Variants in ZFP64 observed in about 807,000 individuals in gnomAD.
The protein encoded by ZFP64 is zinc finger protein 64.
In ZFP64, 14 loss-of-function variants were observed where a neutral mutation model predicts 51.6. The observed-to-expected ratio is 0.27, with a 90% confidence interval of 0.18 to 0.42. The LOEUF (loss-of-function observed/expected upper bound fraction) is 0.42, where lower values mean the gene tolerates loss of function less well. ZFP64 is among the 10% of genes least tolerant of loss of function. The probability of loss-of-function intolerance (pLI) is 1.00; values close to 1 mark genes in which losing one functional copy is unlikely to be tolerated. For synonymous variants in ZFP64, 375 were observed against 361.4 expected, an observed-to-expected ratio of 1.04 and a Z score of -0.43; for missense variants, 754 against 906.8, an observed-to-expected ratio of 0.83 and a Z score of 2.16.
chr20:52,188,308 C>CTTTTTTTTTTTTTTTT (rs1164512289), intron 1 of ZFP64, among the ~76,000 whole-genome samples: 2 of 104,224 alleles, frequency 1.9e-5, no homozygotes, highest in African/African-American at 3.3e-5. Flanking sequence ...CTTTTTCTTT[C>CTTTTTTTTTTTTTTTT]TTTTTTTTTT....
At chr20:52,171,637 A>C (rs561426409) in intron 2 of ZFP64, among the ~76,000 whole-genome samples, 17 of 151,516 alleles carry the variant, frequency 1.1e-4, no homozygotes, top group African/African-American at 3.2e-4. Flanking sequence ...TTACAGGCAC[A>C]CACCACCACA....
intron 2 of ZFP64, among the ~76,000 whole-genome samples, chr20:52,172,960 T>C (rs1982877061): frequency 6.6e-6 from 1 of 152,190 alleles, no homozygotes; most frequent in African/African-American, 2.4e-5. Context: ...AGGGGCATAT[T>C]CAGTTATTTG....
At chr20:52,130,935 G>A (rs1016357720) in intron 5 of ZFP64, among the ~76,000 whole-genome samples, 14 of 151,994 alleles carry the variant, frequency 9.2e-5, no homozygotes, top group African/African-American at 2.7e-4. Context: ...GCATTGTGGC[G>A]GGCGCCTGTA....
intron 7 of ZFP64, among the ~76,000 whole-genome samples, chr20:52,096,107 G>A (rs1325255082): frequency 6.6e-6 from 1 of 152,184 alleles, no homozygotes; most frequent in Admixed American, 6.5e-5. Flanking sequence ...CATCTTTCTG[G>A]ACAGAGACCA....
intron 5 of ZFP64, among the ~76,000 whole-genome samples, chr20:52,145,204 G>A (rs534530994): frequency 4.6e-5 from 7 of 152,288 alleles, no homozygotes; most frequent in South Asian, 2.1e-4. Context: ...GTATACAGTC[G>A]TTGCCACTTA....
chr20:52,089,928 A>C (rs184677491), intron 7 of ZFP64, among the ~76,000 whole-genome samples: 1 of 152,250 alleles, frequency 6.6e-6, no homozygotes, highest in Admixed American at 6.5e-5. Flanking sequence ...CTTTAGGTTC[A>C]CTTTTGCTGT....
Position 52,153,136 on chromosome 20 carries a change from G to A in ZFP64, c.1056C>T (p.Cys352=). The A allele has an allele frequency of 6.2e-7, 1 of 1,614,254 alleles. No homozygotes were observed. Residue 352 remains cysteine (C), a synonymous_variant, in exon 6 of 6, where the codon TGC becomes TGT. Transcript: ENST00000216923. The surrounding 1 kb of genome is among the most constrained non-coding windows in gnomAD (Gnocchi z 5.1). ...GGATGCGCAGGGCGGCCTTGCTGGAGCAGGAGTAGCTGCATTCCGAGCACT... is the reference window on the plus strand; with the variant it reads ...GGATGCGCAGGGCGGCCTTGCTGGAACAGGAGTAGCTGCATTCCGAGCACT... ...PEKCSECSYS[C]SSKAALRIHE...
chr20:52,152,728 T>G lies in ZFP64; in HGVS notation c.1464A>C (p.Gln488His). 1 of 1,572,600 alleles carries G rather than the reference T, an allele frequency of 6.4e-7. No individual in the cohort carries two copies. Among genetic ancestry groups the G allele is most frequent in the Non-Finnish European group, 8.6e-7 (1 of 1,157,738 alleles). ...GHLQVPLQPSQVPQFSEGRVK... is the reference protein window; with the variant it reads ...GHLQVPLQPSHVPQFSEGRVK... ...CTCTTCCCTCGCTGAACTGGGGCAC[T>G]TGGCTGGGCTGGAGGGGCACCTGGA... Residue 488 changes from glutamine (Q) to histidine (H), a missense_variant, in exon 6 of 6, where the codon CAA becomes CAC. Physicochemically the swap from Gln to His is conservative, Grantham distance 24 (BLOSUM62 0). Around this residue, in one of 3 missense-constraint regions of ZFP64, gnomAD observed 428 missense variants for 472.4 expected, o/e 0.91. Coordinates refer to ENST00000216923, the MANE Select transcript of ZFP64 (RefSeq NM_018197.3).
intron 5 of ZFP64, among the ~76,000 whole-genome samples, chr20:52,130,938 C>T (rs962512089): frequency 6.6e-5 from 10 of 151,854 alleles, no homozygotes; most frequent in South Asian, 2.1e-4. Context: ...TTGTGGCGGG[C>T]GCCTGTAGTC....
intron 2 of ZFP64, among the ~76,000 whole-genome samples, 167 bp downstream of exon 2, chr20:52,186,665 C>A (rs1983988252): frequency 6.6e-6 from 1 of 151,978 alleles, no homozygotes. Context: ...CCTAGCAGCT[C>A]CCAAACCTGG....
At chr20:52,086,762 G>C (rs1431821455) in intron 8 of ZFP64, among the ~76,000 whole-genome samples, 5 of 152,112 alleles carry the variant, frequency 3.3e-5, no homozygotes, top group Non-Finnish European at 7.3e-5. Context: ...ACAGGCTTGA[G>C]CCACCGCGCC....
chr20:52,186,525 A>T (rs961238731), intron 2 of ZFP64, among the ~76,000 whole-genome samples: 2 of 148,730 alleles, frequency 1.3e-5, no homozygotes, highest in Admixed American at 6.7e-5. Flanking sequence ...TTTTTTTTTT[A>T]TTGCAACGTA....
chr20:52,153,466 G>A lies in ZFP64; in HGVS notation c.764-38C>T, dbSNP rs145988215. ...GGTGAGTTTCGATAAGAACAGGCAGGCAACAACCACAGCGGATCCCCCCGA... is the reference window on the plus strand; with the variant it reads ...GGTGAGTTTCGATAAGAACAGGCAGACAACAACCACAGCGGATCCCCCCGA... On this transcript the variant is annotated intron_variant, in intron 5 of 5. Transcript: ENST00000216923. The surrounding 1 kb of genome is among the most constrained non-coding windows in gnomAD (Gnocchi z 5.1). 1,485 of 1,590,542 alleles carry A rather than the reference G, an allele frequency of 9.3e-4. 3 individuals carry two copies. Among genetic ancestry groups the A allele is most frequent in the Middle Eastern group, 3.2e-3 (19 of 5,954 alleles).
At chr20:52,138,811 A>T (rs1194084830) in intron 5 of ZFP64, among the ~76,000 whole-genome samples, 1 of 152,226 alleles carries the variant, frequency 6.6e-6, no homozygotes, top group Non-Finnish European at 1.5e-5. Flanking sequence ...TAAACTCTAC[A>T]GAGACTGTGT....
intron 4 of ZFP64, among the ~76,000 whole-genome samples, chr20:52,162,408 T>C (rs4811301): frequency 0.26 from 39,787 of 151,642 alleles, 5,391 homozygotes; most frequent in Admixed American, 0.31. Context: ...GGGCGGATCA[T>C]GAGGTCAGGA....
chr20:52,094,629 C>A (rs894138627), intron 7 of ZFP64, among the ~76,000 whole-genome samples: 1 of 152,158 alleles, frequency 6.6e-6, no homozygotes, highest in African/African-American at 2.4e-5. Context: ...CGAAATGGGG[C>A]ATGCCTGCAG....
At chr20:52,175,922 C>T (rs1401362757) in intron 2 of ZFP64, 19 of 981,688 alleles carry the variant, frequency 1.9e-5, no homozygotes, top group Non-Finnish European at 1.9e-5. Context: ...ACCCCTTTCA[C>T]TTACGCTGTT....
Position 52,153,076 on chromosome 20 carries a change from C to G in ZFP64, c.1116G>C (p.Lys372Asn). 3 of 1,614,186 alleles carry G rather than the reference C, an allele frequency of 1.9e-6. No individual in the cohort carries two copies. The South Asian group carries it at 3.3e-5, about 18-fold the overall frequency. The change falls in exon 6 of 6, where the codon AAG becomes AAC. Residue 372 changes from lysine to asparagine, a missense_variant. Physicochemically the swap from Lys to Asn is moderately conservative, Grantham distance 94 (BLOSUM62 0). This residue lies in a region of ZFP64 where 428 missense variants were observed against 472.4 expected (regional missense o/e 0.91). Transcript: ENST00000216923. The surrounding 1 kb of genome is among the most constrained non-coding windows in gnomAD (Gnocchi z 5.1). The part of the protein sequence containing the change: ...ERIHCTDRPF[K>N]CNYCSFDTKQ... The stretch of plus-strand genomic sequence containing the variant: ...TGGTGTCGAAGCTGCAGTAGTTGCA[C>G]TTGAAAGGGCGGTCGGTGCAGTGGA...
chr20:52,191,562 G>T lies in ZFP64; in HGVS notation c.46+29C>A. ...CCCGGAGCGCGCACTGGGCCCCGGA[G>T]CGCGCACTGCTCCCGGAAAAGCACT... On this transcript the variant is annotated intron_variant, in intron 1 of 5. Coordinates refer to ENST00000216923, the MANE Select transcript of ZFP64 (RefSeq NM_018197.3). The surrounding 1 kb of genome is among the most constrained non-coding windows in gnomAD (Gnocchi z 4.3). The T allele has an allele frequency of 6.4e-7, 1 of 1,560,556 alleles. No individual in the cohort carries two copies.
Sources: allele counts gnomAD v4.1 joint callset (sites outside exome capture counted in the v4.1 genomes callset), GRCh38; gene constraint gnomAD v4.1.1; regional missense constraint gnomAD v4.1.1; non-coding constraint Gnocchi (gnomAD v3.1); transcripts MANE v1.5; gene names NCBI Gene and HGNC (gene_info 2026-07-23, HGNC 2026-07-21).